The following USP45 variants were observed in gnomAD, a reference collection of about 807,000 sequenced individuals.
USP45 encodes the protein ubiquitin specific peptidase 45, also known as ubiquitin carboxyl-terminal hydrolase 45.
In USP45, 89 loss-of-function variants were observed where a neutral mutation model predicts 95.8. The observed-to-expected ratio is 0.93, with a 90% CI of 0.78 to 1.11. The LOEUF (loss-of-function observed/expected upper bound fraction) is 1.11, where lower values mean the gene tolerates loss of function less well. USP45 is among the 50% of genes least tolerant of loss of function. The pLI, the probability that USP45 is intolerant of heterozygous loss-of-function variation, is 0.00. For missense variants in USP45, 898 were observed against 942.5 expected, an observed-to-expected ratio of 0.95 and a Z score of 0.62; for synonymous variants, 281 against 316.2, an observed-to-expected ratio of 0.89 and a Z score of 1.18.
chr6:99,465,601 G>T (rs897132848), intron 11 of USP45, among the ~76,000 whole-genome samples: 1 of 152,114 alleles, frequency 6.6e-6, no homozygotes, highest in Non-Finnish European at 1.5e-5. Context: ...CTTCTGTGTT[G>T]AATAGTCTAG....
intron 3 of USP45, among the ~76,000 whole-genome samples, 158 bp from the exon 4 acceptor site, chr6:99,507,689 T>C (rs1396667791): frequency 6.6e-6 from 1 of 152,240 alleles, no homozygotes; most frequent in East Asian, 1.9e-4. Context: ...CTCATTAAAT[T>C]TAATTTCTTG....
chr6:99,487,713 T>A (rs1417286729), intron 7 of USP45, among the ~76,000 whole-genome samples: 1 of 148,308 alleles, frequency 6.7e-6, no homozygotes, highest in Non-Finnish European at 1.5e-5. Context: ...GAGAATGGCA[T>A]AAACCCGGGA....
At chr6:99,489,503 C>A (rs1356236133) in intron 5 of USP45, among the ~76,000 whole-genome samples, 1 of 152,082 alleles carries the variant, frequency 6.6e-6, no homozygotes, top group Non-Finnish European at 1.5e-5. Context: ...ATTATTCTTG[C>A]AACATTTCTG....
chr6:99,473,353 A>G (rs764092768), intron 9 of USP45, among the ~76,000 whole-genome samples: 1 of 151,952 alleles, frequency 6.6e-6, no homozygotes, highest in Non-Finnish European at 1.5e-5. Flanking sequence ...AAGCCTGGCC[A>G]AAGTGGTAAA....
At chr6:99,505,452 G>A (rs999996847) in intron 4 of USP45, among the ~76,000 whole-genome samples, 1 of 151,944 alleles carries the variant, frequency 6.6e-6, no homozygotes, top group African/African-American at 2.4e-5. Context: ...GATCACTTGA[G>A]GTTGGGAGTT....
chr6:99,492,719 T>A (rs1795457614), intron 5 of USP45, among the ~76,000 whole-genome samples: 1 of 152,090 alleles, frequency 6.6e-6, no homozygotes, highest in Non-Finnish European at 1.5e-5. Flanking sequence ...CTCAAACTCC[T>A]GACCTCAAGT....
chr6:99,468,303 A>G (rs1788478720), intron 10 of USP45: 1 of 519,664 alleles, frequency 1.9e-6, no homozygotes, highest in Admixed American at 2.6e-5. Flanking sequence ...ACATAAAGGT[A>G]TCGGTGTCAA....
In USP45 at chr6:99,482,740, T is replaced by G; in HGVS notation, c.845+13A>C. 1 of 1,583,496 alleles carries G rather than the reference T, an allele frequency of 6.3e-7. No individual in the cohort carries two copies. The highest frequency in any genetic ancestry group is 8.6e-7 in the Non-Finnish European group (1 of 1,168,562). On this transcript the variant is annotated intron_variant, in intron 8 of 17. Transcript: ENST00000500704. ...AACTCATAATTATTTATATTAAATG[T>G]AGATGCACCCACTTCTGACAAAGCT...
At position 99,508,718 on chromosome 6, in the gene USP45, A is replaced by C; in HGVS notation, c.165T>G (p.Ala55=). ...ISVNHVKRAI[A]ENLWSVCSEC... ...CTGAGCAAACTGACCACAGATTCTC[A>C]GCTATTGCTCTCTTTACATGATTCA... is the stretch of plus-strand genomic sequence containing the variant. Residue 55 remains alanine (A), a synonymous_variant, in exon 3 of 18, where the codon GCT becomes GCG. Transcript: ENST00000500704. 6.2e-7 allele frequency: 1 copy of C among 1,613,806 alleles called. No homozygotes were observed. Among genetic ancestry groups the C allele is most frequent in the Non-Finnish European group, 8.5e-7 (1 of 1,179,930 alleles).
intron 16 of USP45, among the ~76,000 whole-genome samples, chr6:99,437,667 C>G (rs868412564): frequency 6.6e-6 from 1 of 151,734 alleles, no homozygotes; most frequent in Non-Finnish European, 1.5e-5. Context: ...TTCTCTCTCT[C>G]TTTTTCTTGA....
In USP45 at chr6:99,483,000, A is replaced by C. The variant is rs940484603; in HGVS notation, c.715-117T>G. The C allele has an allele frequency of 1.1e-5, 9 of 806,748 alleles. No individual in the cohort carries two copies. In the East Asian group the frequency reaches 3.0e-4, roughly 27 times the overall value. 50.0% of individuals were successfully genotyped at this position (806,748 alleles called of 1,614,324 possible). A position where few individuals can be genotyped will look rare whatever the true frequency, so the allele number is the denominator to read the frequency against. On this transcript the variant is annotated intron_variant, in intron 7 of 17. Transcript: ENST00000500704. ...CAACTAAATTGCCTCAATTGTATTA[A>C]GAAACTTTATTATTTCATAAATAAA...
intron 13 of USP45, chr6:99,462,438 GA>G (rs1338194922): frequency 3.4e-5 from 33 of 982,932 alleles, no homozygotes; most frequent in African/African-American, 1.2e-4. Context: ...TAAAAATAAA[GA>G]AAAAAAATCA....
At chr6:99,479,402 A>G (rs1562383164) in intron 8 of USP45, among the ~76,000 whole-genome samples, 1 of 151,436 alleles carries the variant, frequency 6.6e-6, no homozygotes, top group Non-Finnish European at 1.5e-5. Flanking sequence ...GAGTCTCCCT[A>G]TGTTGTCCTG....
intron 13 of USP45, among the ~76,000 whole-genome samples, chr6:99,447,273 C>T (rs1454565782): frequency 6.6e-6 from 1 of 152,072 alleles, no homozygotes; most frequent in Non-Finnish European, 1.5e-5. Context: ...GCTTGAAGTA[C>T]ATTTTTCTTT....
chr6:99,508,725 GCT>G lies in USP45; in HGVS notation c.156_157del (p.Arg52SerfsTer4), dbSNP rs1272112650. The G allele has an allele frequency of 6.2e-7, 1 of 1,613,484 alleles. No homozygotes were observed. The highest frequency in any genetic ancestry group is 1.3e-5 in the African/African-American group (1 of 74,890). On this transcript the variant is annotated frameshift_variant, in exon 3 of 18. Coordinates refer to ENST00000500704, the MANE Select transcript of USP45 (RefSeq NM_001346022.3). LOFTEE classifies it high-confidence loss of function. ...AACTGACCACAGATTCTCAGCTATTGCTCTCTTTACATGATTCACGCTGATAG... is the reference window on the plus strand; with the variant it reads ...AACTGACCACAGATTCTCAGCTATTGCTCTTTACATGATTCACGCTGATAG...
At chr6:99,455,555 G>T (rs2128591249) in intron 13 of USP45, among the ~76,000 whole-genome samples, 1 of 152,150 alleles carries the variant, frequency 6.6e-6, no homozygotes, top group South Asian at 2.1e-4. Context: ...GAAAACCAGT[G>T]TATCAAAAGG....
rs754062691 is a variant in USP45, at chr6:99,439,865, AC to A, written c.2074-11del. The A allele has an allele frequency of 6.3e-7, 1 of 1,585,032 alleles. No homozygotes were observed. The highest frequency in any genetic ancestry group is 8.6e-7 in the Non-Finnish European group (1 of 1,168,272). On this transcript the variant is annotated splice_polypyrimidine_tract_variant and intron_variant, in intron 15 of 17. Transcript: ENST00000500704. ...GAAGACTCAAGCCAGCCTTAAAAAGACCAAAACATTTTTGAAATGCAACAAT... is the reference window on the plus strand; with the variant it reads ...GAAGACTCAAGCCAGCCTTAAAAAGACAAAACATTTTTGAAATGCAACAAT...
intron 5 of USP45, among the ~76,000 whole-genome samples, chr6:99,493,431 A>G (rs1316450859): frequency 6.6e-6 from 1 of 152,226 alleles, no homozygotes; most frequent in Non-Finnish European, 1.5e-5. Flanking sequence ...AGAGTTTACA[A>G]TTCTAGTTTA....
intron 4 of USP45, among the ~76,000 whole-genome samples, chr6:99,505,408 G>C (rs1798288522): frequency 6.6e-6 from 1 of 152,094 alleles, no homozygotes; most frequent in African/African-American, 2.4e-5. Context: ...GCTCACAACT[G>C]TAATCCCAGC....
Sources: allele counts gnomAD v4.1 joint callset (sites outside exome capture counted in the v4.1 genomes callset), GRCh38; gene constraint gnomAD v4.1.1; transcripts MANE v1.5; gene names NCBI Gene and HGNC (gene_info 2026-07-23, HGNC 2026-07-21).